LRRC8D: variants seen among roughly 807,000 people sequenced by gnomAD.
LRRC8D encodes the protein volume-regulated anion channel subunit LRRC8D.
Under a neutral mutation model 55.8 loss-of-function variants are expected in LRRC8D, and 20 were observed. That is an observed-to-expected ratio of 0.36 (90% CI 0.25 to 0.52). LRRC8D has a LOEUF of 0.52. Ranked by LOEUF, LRRC8D falls within the 20% of genes least tolerant of loss-of-function variation. LRRC8D has a pLI of 0.93. For missense variants in LRRC8D, 651 were observed against 1,030.8 expected, an observed-to-expected ratio of 0.63 and a Z score of 5.05; for synonymous variants, 352 against 377.0, an observed-to-expected ratio of 0.93 and a Z score of 0.77.
At chr1:89,900,456 T>C (rs1023496911) in intron 2 of LRRC8D, among the ~76,000 whole-genome samples, 4 of 151,892 alleles carry the variant, frequency 2.6e-5, no homozygotes, top group Non-Finnish European at 4.4e-5. Flanking sequence ...GCCTGATTTC[T>C]TAGTTTGCCT....
intron 1 of LRRC8D, among the ~76,000 whole-genome samples, chr1:89,834,619 G>C (rs1286444988): frequency 6.6e-6 from 1 of 152,196 alleles, no homozygotes; most frequent in East Asian, 1.9e-4. Context: ...GTATAATTCA[G>C]CACAGTTTGC....
intron 1 of LRRC8D, among the ~76,000 whole-genome samples, 192 bp downstream of exon 1, chr1:89,821,483 T>G (rs1032815801): frequency 1.3e-5 from 2 of 152,102 alleles, no homozygotes; most frequent in Non-Finnish European, 2.9e-5. Context: ...GGCTCCCGTT[T>G]GCTGCCGCCA....
intron 2 of LRRC8D, among the ~76,000 whole-genome samples, chr1:89,865,434 T>C (rs756354402): frequency 3.3e-5 from 5 of 151,040 alleles, no homozygotes; most frequent in Admixed American, 1.3e-4. Flanking sequence ...TATTAAAACC[T>C]TTGAAATTTA....
At chr1:89,913,519 A>G (rs748510508) in intron 2 of LRRC8D, among the ~76,000 whole-genome samples, 5 of 152,216 alleles carry the variant, frequency 3.3e-5, no homozygotes, top group African/African-American at 7.2e-5. Flanking sequence ...AGTTAAGAGT[A>G]TGTAAATTTA....
chr1:89,906,287 T>G (rs141188733), intron 2 of LRRC8D, among the ~76,000 whole-genome samples: 42 of 152,260 alleles, frequency 2.8e-4, no homozygotes, highest in African/African-American at 9.9e-4. Context: ...CAAAGGTGAA[T>G]TTTACCCTCA....
At chr1:89,907,054 T>C (rs1663012764) in intron 2 of LRRC8D, among the ~76,000 whole-genome samples, 1 of 151,982 alleles carries the variant, frequency 6.6e-6, no homozygotes, top group South Asian at 2.1e-4. Flanking sequence ...ACTCAACTCC[T>C]CCAAACAAAT....
intron 2 of LRRC8D, among the ~76,000 whole-genome samples, chr1:89,882,362 G>A (rs925187745): frequency 1.3e-4 from 20 of 152,292 alleles, no homozygotes; most frequent in South Asian, 1.0e-3. Context: ...TAAGTACTAC[G>A]TGCTGTGCAC....
In LRRC8D at chr1:89,836,476, G is replaced by A. The variant is rs558024573; in HGVS notation, c.-147-7162G>A. ...TGTAGTGGGGCCAGATTATACATACGCCACTGACATTTTCATCTGACCTCC... is the reference window on the plus strand; with the variant it reads ...TGTAGTGGGGCCAGATTATACATACACCACTGACATTTTCATCTGACCTCC... On this transcript the variant is annotated intron_variant, in intron 1 of 2. Transcript: ENST00000337338. Among the ~76,000 whole-genome samples the A allele has an allele frequency of 1.3e-4, 20 of 152,184 alleles. No homozygotes were observed. In the South Asian group the frequency reaches 3.3e-3, roughly 25 times the overall value.
intron 2 of LRRC8D, among the ~76,000 whole-genome samples, chr1:89,891,888 CT>C (rs1438268321): frequency 6.6e-6 from 1 of 152,218 alleles, no homozygotes; most frequent in Non-Finnish European, 1.5e-5. Flanking sequence ...ATTTGCCCCT[CT>C]GTCATCATCC....
chr1:89,843,590 G>A, intron 1 of LRRC8D, 48 bp from the exon 2 acceptor site: 1 of 696,748 alleles, frequency 1.4e-6, no homozygotes, highest in Non-Finnish European at 2.6e-6. Context: ...CCCCGCTGCC[G>A]ACACTTGGAT....
Position 89,934,730 on chromosome 1 carries a change from C to T in LRRC8D, c.1662C>T (p.Ala554=), listed in dbSNP as rs574691834. 13 of 1,614,168 alleles carry T rather than the reference C, an allele frequency of 8.1e-6. No individual in the cohort carries two copies. The South Asian group carries it at 1.3e-4, about 16-fold the overall frequency. The change falls in exon 3 of 3, where the codon GCC becomes GCT. Residue 554 remains alanine, a synonymous_variant. Transcript: ENST00000337338. This position sits in a 1 kb window ranked among gnomAD's most constrained non-coding sequence, Gnocchi z 5.9. ...TCACTGATGTGGCTGAAATTCCTGC[C>T]TGGGTGTATTTGCTCAAAAACCTTC... ...VKFTDVAEIP[A]WVYLLKNLRE...
chr1:89,931,439 A>G (rs1275807656), intron 2 of LRRC8D, among the ~76,000 whole-genome samples: 1 of 152,078 alleles, frequency 6.6e-6, no homozygotes, highest in Non-Finnish European at 1.5e-5. Context: ...TCCTCAACAC[A>G]GCATTCCAGA....
At chr1:89,821,748 A>G (rs915479034) in intron 1 of LRRC8D, among the ~76,000 whole-genome samples, 2 of 151,972 alleles carry the variant, frequency 1.3e-5, no homozygotes, top group East Asian at 3.9e-4. Context: ...TAACTTCTCC[A>G]GAATCGCCTC....
At chr1:89,859,414 C>T (rs1468669073) in intron 2 of LRRC8D, among the ~76,000 whole-genome samples, 3 of 152,132 alleles carry the variant, frequency 2.0e-5, no homozygotes, top group Non-Finnish European at 2.9e-5. Flanking sequence ...GCTGACATTG[C>T]ACCCTTTCGT....
rs548125979 is a variant in LRRC8D at position 89,890,029 on chromosome 1, T to C, written c.-2-43038T>C. Among the ~76,000 whole-genome samples, 21 of 151,710 alleles carry C rather than the reference T, an allele frequency of 1.4e-4. No individual in the cohort carries two copies. In the South Asian group the frequency reaches 3.7e-3, roughly 27 times the overall value. On this transcript the variant is annotated intron_variant, in intron 2 of 2. Transcript: ENST00000337338. The stretch of plus-strand genomic sequence containing the variant: ...AGTGAAACTCCATCTCTAATAAAAA[T>C]ACAAAAAATTAGTTGAGCGTGTTGG...
intron 1 of LRRC8D, among the ~76,000 whole-genome samples, chr1:89,832,838 G>C (rs1446997372): frequency 6.6e-6 from 1 of 152,204 alleles, no homozygotes. Context: ...TCCTAGTGAC[G>C]AATCTGGAAA....
At chr1:89,890,949 T>A (rs184461031) in intron 2 of LRRC8D, among the ~76,000 whole-genome samples, 24 of 152,280 alleles carry the variant, frequency 1.6e-4, no homozygotes, top group Admixed American at 1.5e-3. Flanking sequence ...TGGGGCGATT[T>A]CGGCACACTG....
At position 89,877,083 on chromosome 1, in the gene LRRC8D, G is replaced by A. The variant is rs759987781; in HGVS notation, c.-3+33301G>A. On this transcript the variant is annotated intron_variant, in intron 2 of 2. Coordinates refer to ENST00000337338, the MANE Select transcript of LRRC8D (RefSeq NM_001134479.2). ...GATAATGCAGAACTGCAGAACTAAA[G>A]TGAAGCTTTCAGATTGGGATTGGCT... 2.6e-5 allele frequency among the ~76,000 whole-genome samples: 4 copies of A among 152,250 alleles called. No individual in the cohort carries two copies. In the East Asian group the frequency reaches 7.7e-4, roughly 29 times the overall value.
At chr1:89,902,147 C>G (rs796357351) in intron 2 of LRRC8D, among the ~76,000 whole-genome samples, 3 of 152,392 alleles carry the variant, frequency 2.0e-5, no homozygotes, top group African/African-American at 7.2e-5. Flanking sequence ...TATGTTTTCT[C>G]CACAACAATT....
Sources: gnomAD v4.1 joint callset for allele counts (sites outside exome capture counted in the v4.1 genomes callset) on GRCh38, gnomAD v4.1.1 for gene constraint, Gnocchi (gnomAD v3.1) non-coding constraint, MANE v1.5 for transcripts, NCBI Gene and HGNC (gene_info 2026-07-23, HGNC 2026-07-21) for gene names.